NAALADL2: variants seen among roughly 807,000 people sequenced by gnomAD.
NAALADL2 encodes the protein inactive N-acetylated-alpha-linked acidic dipeptidase-like protein 2.
NAALADL2 carries 76 observed loss-of-function variants against 87.2 expected under a neutral mutation model. The ratio of observed to expected loss-of-function variants is 0.87; its 90% CI spans 0.72 to 1.05. NAALADL2 has a LOEUF of 1.05. Among genes scored for constraint, NAALADL2 ranks in the 50% least tolerant of loss-of-function variants. NAALADL2 has a pLI of 0.00. For missense variants in NAALADL2, 1,089 were observed against 945.8 expected (o/e 1.15, Z -1.99); for synonymous variants, 354 against 331.0 (o/e 1.07, Z -0.75).
chr3:174,610,130 G>T lies in NAALADL2; in HGVS notation c.-115+59493G>T, dbSNP rs1477653942. On this transcript the variant is annotated intron_variant, in intron 2 of 3. Coordinates refer to the NAALADL2 transcript ENST00000434257. ...AGCCATATGTAGAAAGCTGTAACTG[G>T]ATCCCTTCCTTACACTTTATACAAA... Among the ~76,000 whole-genome samples, 3 of 150,470 alleles carry T rather than the reference G, an allele frequency of 2.0e-5. No homozygotes were observed. In the East Asian group the frequency reaches 5.8e-4, roughly 29 times the overall value.
intron 2 of NAALADL2, among the ~76,000 whole-genome samples, chr3:175,187,315 A>C (rs1195516537): frequency 1.3e-5 from 2 of 152,236 alleles, no homozygotes; most frequent in African/African-American, 4.8e-5. Context: ...GAAGTGCTGT[A>C]ACAGAAGCAT....
chr3:175,469,385 C>T (rs1339639748), intron 8 of NAALADL2, among the ~76,000 whole-genome samples: 1 of 151,936 alleles, frequency 6.6e-6, no homozygotes, highest in African/African-American at 2.4e-5. Context: ...AAATATATTC[C>T]CCTGTGAAGG....
At chr3:174,764,747 G>C (rs1713545527) in intron 3 of NAALADL2, among the ~76,000 whole-genome samples, 1 of 152,152 alleles carries the variant, frequency 6.6e-6, no homozygotes, top group Non-Finnish European at 1.5e-5. Flanking sequence ...TTGGCTACCA[G>C]GTAATTTTTG....
At chr3:174,607,488 GA>G (rs1377566361) in intron 2 of NAALADL2, among the ~76,000 whole-genome samples, 7 of 148,572 alleles carry the variant, frequency 4.7e-5, no homozygotes, top group African/African-American at 1.7e-4. Context: ...CAAGCAAATG[GA>G]AAACAAAAAA....
intron 3 of NAALADL2, among the ~76,000 whole-genome samples, chr3:174,780,600 A>G (rs76397757): frequency 1.3e-5 from 2 of 152,096 alleles, no homozygotes; most frequent in Non-Finnish European, 2.9e-5. Context: ...CCCATTCAGT[A>G]TGATATTGGC....
intron 2 of NAALADL2, among the ~76,000 whole-genome samples, chr3:174,570,302 A>C (rs1714777633): frequency 1.3e-5 from 2 of 151,990 alleles, no homozygotes; most frequent in African/African-American, 2.4e-5. Context: ...ATTTTTATAA[A>C]ATTTAAACAT....
intron 5 of NAALADL2, among the ~76,000 whole-genome samples, chr3:175,433,513 G>A (rs1718122402): frequency 6.6e-6 from 1 of 151,990 alleles, no homozygotes; most frequent in Non-Finnish European, 1.5e-5. Context: ...GAACACCCTA[G>A]CTTATTAACA....
At chr3:175,295,363 A>G (rs2110175047) in intron 4 of NAALADL2, among the ~76,000 whole-genome samples, 1 of 152,234 alleles carries the variant, frequency 6.6e-6, no homozygotes, top group East Asian at 1.9e-4. Context: ...AACCTGGCCA[A>G]ACCTGAATTC....
At chr3:175,084,816 T>A (rs1163182829) in intron 1 of NAALADL2, among the ~76,000 whole-genome samples, 2 of 152,042 alleles carry the variant, frequency 1.3e-5, no homozygotes, top group African/African-American at 2.4e-5. Flanking sequence ...TGAGAAAAAA[T>A]TTAAAGGTAA....
intron 1 of NAALADL2, among the ~76,000 whole-genome samples, chr3:174,882,875 GTATATGTGTATATATGTATA>G (rs1248608905): frequency 1.2e-4 from 17 of 146,100 alleles, no homozygotes; most frequent in South Asian, 2.2e-4. Flanking sequence ...GTGTATATGT[GTATATGTGTATATATGTATA>G]TATATGTGTA....
At chr3:174,924,142 A>T (rs1004295423) in intron 1 of NAALADL2, among the ~76,000 whole-genome samples, 1 of 151,878 alleles carries the variant, frequency 6.6e-6, no homozygotes, top group Non-Finnish European at 1.5e-5. Flanking sequence ...TACGTGTACC[A>T]TGTTGGTGTG....
intron 11 of NAALADL2, among the ~76,000 whole-genome samples, chr3:175,729,109 A>G (rs1025500516): frequency 9.2e-5 from 14 of 152,108 alleles, no homozygotes; most frequent in African/African-American, 3.1e-4. Flanking sequence ...GAAATAAAAG[A>G]TTCATATTTA....
intron 2 of NAALADL2, among the ~76,000 whole-genome samples, chr3:174,608,753 A>G (rs1016540877): frequency 6.8e-5 from 10 of 147,508 alleles, no homozygotes; most frequent in Admixed American, 1.3e-4. Context: ...AAGTGGTACC[A>G]TTCCTTCTGA....
At chr3:175,160,360 CTTTTT>C (rs71164618) in intron 2 of NAALADL2, among the ~76,000 whole-genome samples, 6 of 57,038 alleles carry the variant, frequency 1.1e-4, no homozygotes, top group Admixed American at 2.3e-4. Context: ...TCTTTTCTTT[CTTTTT>C]TTTTTTTTTT....
chr3:175,119,002 ATATAT>A (rs1725719097), intron 2 of NAALADL2, among the ~76,000 whole-genome samples: 1 of 151,750 alleles, frequency 6.6e-6, no homozygotes, highest in Admixed American at 6.6e-5. Context: ...CACAATTAAA[ATATAT>A]TAACTTTGTT....
intron 1 of NAALADL2, among the ~76,000 whole-genome samples, chr3:174,961,866 C>A (rs927283417): frequency 1.3e-5 from 2 of 152,150 alleles, no homozygotes; most frequent in African/African-American, 2.4e-5. Context: ...TAACTCATCT[C>A]ATTCTCACAG....
chr3:174,502,314 A>G (rs768408890), intron 1 of NAALADL2, among the ~76,000 whole-genome samples: 1 of 152,190 alleles, frequency 6.6e-6, no homozygotes, highest in Non-Finnish European at 1.5e-5. Flanking sequence ...GTTGTTAGAA[A>G]ATATAACAGT....
intron 1 of NAALADL2, among the ~76,000 whole-genome samples, chr3:174,962,782 G>A (rs986001574): frequency 2.0e-5 from 3 of 151,948 alleles, no homozygotes; most frequent in African/African-American, 7.3e-5. Flanking sequence ...TAAGAGAAAA[G>A]TTTTCCTTGG....
At chr3:175,324,028 C>CAACA in intron 4 of NAALADL2, 147 bp from the exon 5 acceptor site, 4 of 426,218 alleles carry the variant, frequency 9.4e-6, no homozygotes. Flanking sequence ...AAAAAACAAA[C>CAACA]AAAAAAAAAA....
Sources: gnomAD v4.1 joint callset for allele counts (sites outside exome capture counted in the v4.1 genomes callset) on GRCh38, gnomAD v4.1.1 for gene constraint, MANE v1.5 for transcripts, NCBI Gene and HGNC (gene_info 2026-07-23, HGNC 2026-07-21) for gene names.